The following STARD9 variants were observed in gnomAD, a reference collection of about 807,000 sequenced individuals.
STARD9 encodes the protein stAR-related lipid transfer protein 9.
A neutral mutation model predicts 399.8 loss-of-function variants in STARD9; 346 were observed. The observed-to-expected ratio is 0.87, with a 90% CI of 0.79 to 0.95. The LOEUF (loss-of-function observed/expected upper bound fraction) is 0.95, where lower values mean the gene tolerates loss of function less well. STARD9 is among the 40% of genes least tolerant of loss of function. The pLI is 0.00. For missense variants in STARD9, 5,832 were observed against 5,667.5 expected (o/e 1.03, Z -0.93); for synonymous variants, 2,203 against 2,143.5 (o/e 1.03, Z -0.77).
At chr15:42,701,820 C>T (rs1219676070) in intron 26 of STARD9, among the ~76,000 whole-genome samples, 1 of 151,732 alleles carries the variant, frequency 6.6e-6, no homozygotes, top group Non-Finnish European at 1.5e-5. Context: ...TAGTGAAACC[C>T]CATCTCTACT....
intron 3 of STARD9, among the ~76,000 whole-genome samples, chr15:42,634,485 A>G (rs764445578): frequency 2.0e-5 from 3 of 152,202 alleles, no homozygotes; most frequent in Admixed American, 6.5e-5. Flanking sequence ...GCAATATTTC[A>G]CTGCAGCTTT....
chr15:42,578,587 C>T (rs953026555), intron 1 of STARD9, among the ~76,000 whole-genome samples: 1 of 151,902 alleles, frequency 6.6e-6, no homozygotes, highest in African/African-American at 2.4e-5. Context: ...AGACTATTTG[C>T]CCTGTCAAAA....
intron 7 of STARD9, among the ~76,000 whole-genome samples, chr15:42,649,506 A>G (rs2059714814): frequency 6.6e-6 from 1 of 151,434 alleles, no homozygotes; most frequent in Non-Finnish European, 1.5e-5. Flanking sequence ...ATTTCATTAT[A>G]GTTTCCAAGT....
intron 16 of STARD9, chr15:42,670,586 G>A (rs758230645): frequency 5.3e-5 from 8 of 152,124 alleles, no homozygotes; most frequent in African/African-American, 1.9e-4. Flanking sequence ...CCCAGCTGAC[G>A]TTTAAAAAGA....
chr15:42,717,700 C>T (rs2061375402), intron 28 of STARD9, 31 bp from the exon 29 acceptor site: 1 of 1,534,720 alleles, frequency 6.5e-7, no homozygotes, highest in Non-Finnish European at 8.7e-7. Flanking sequence ...TACTGTGCCT[C>T]CTAATTTGGG....
In STARD9 at chr15:42,692,119, T is replaced by A. The variant is rs749038176; in HGVS notation, c.10541T>A (p.Met3514Lys). Residue 3514 changes from methionine to lysine, a missense_variant, in exon 23 of 33, where the codon ATG (methionine) becomes AAG (lysine). Physicochemically the swap from Met to Lys is moderately conservative, Grantham distance 95. Around this residue, in one of 2 missense-constraint regions of STARD9, gnomAD observed 5,828 missense variants for 5,651.1 expected, o/e 1.03. Coordinates refer to ENST00000290607, the MANE Select transcript of STARD9 (RefSeq NM_020759.3). The part of the protein sequence containing the change: ...TLSNVARCSS[M>K]DNGLEDQNSP... ...TCAAATGTGGCCCGGTGCTCCAGCA[T>A]GGACAATGGCCTAGAAGACCAGAAC... 1.3e-6 allele frequency: 2 copies of A among 1,537,072 alleles called. No individual in the cohort carries two copies. The highest frequency in any genetic ancestry group is 2.7e-5 in the African/African-American group (2 of 73,016).
Position 42,719,945 on chromosome 15 carries a change from A to G in STARD9, c.*371A>G, listed in dbSNP as rs2061422424. 5.5e-6 allele frequency: 1 copy of G among 181,688 alleles called. No homozygotes were observed. The highest frequency in any genetic ancestry group is 1.5e-4 in the South Asian group (1 of 6,600). 11.3% of individuals were successfully genotyped at this position (181,688 alleles called of 1,614,324 possible). A position where few individuals can be genotyped will look rare whatever the true frequency, so the allele number is the denominator to read the frequency against. ...AGCCGGGGACTGCAGTGCTTTGGCA[A>G]GGTGCTTCCGCAGGCTGGTAGGGAA... On this transcript the variant is annotated 3_prime_UTR_variant, in exon 33 of 33. Coordinates refer to ENST00000290607, the MANE Select transcript of STARD9 (RefSeq NM_020759.3).
intron 3 of STARD9, among the ~76,000 whole-genome samples, chr15:42,593,461 C>T (rs1160849692): frequency 3.9e-5 from 6 of 151,994 alleles, no homozygotes; most frequent in Non-Finnish European, 7.4e-5. Flanking sequence ...GCTAACCGCT[C>T]TTCATGGAAA....
At chr15:42,636,739 T>C (rs77080857) in intron 4 of STARD9, among the ~76,000 whole-genome samples, 270 of 152,278 alleles carry the variant, frequency 1.8e-3, no homozygotes, top group Middle Eastern at 6.8e-3. Flanking sequence ...CTTTGTCCTG[T>C]GTTTAGTGTG....
chr15:42,601,516 C>T (rs1161678142), intron 3 of STARD9, among the ~76,000 whole-genome samples: 43 of 146,850 alleles, frequency 2.9e-4, no homozygotes, highest in East Asian at 1.2e-3. Context: ...CCGGATGGGG[C>T]GGCTGGCCGG....
At chr15:42,658,295 G>GTT (rs2059917676) in intron 9 of STARD9, among the ~76,000 whole-genome samples, 1 of 135,400 alleles carries the variant, frequency 7.4e-6, no homozygotes, top group South Asian at 2.1e-4. Flanking sequence ...ACAGGTGTGT[G>GTT]TGTGTGTGTG....
At chr15:42,621,043 C>T (rs1440055399) in intron 3 of STARD9, among the ~76,000 whole-genome samples, 1 of 152,140 alleles carries the variant, frequency 6.6e-6, no homozygotes, top group Admixed American at 6.6e-5. Flanking sequence ...GGTGAGCCAC[C>T]ACCTGGTATA....
chr15:42,608,261 G>A (rs1039118214), intron 3 of STARD9, among the ~76,000 whole-genome samples: 4 of 152,178 alleles, frequency 2.6e-5, no homozygotes, highest in African/African-American at 9.7e-5. Context: ...GAGGAGGGTA[G>A]TGTGGTTTGT....
intron 11 of STARD9, 145 bp downstream of exon 11, chr15:42,663,036 G>A (rs2060020756): frequency 1.4e-6 from 1 of 738,312 alleles, no homozygotes; most frequent in African/African-American, 1.8e-5. Flanking sequence ...ATTTGTCCTT[G>A]GTTTTAGAGT....
At chr15:42,597,662 A>T (rs2058534419) in intron 3 of STARD9, among the ~76,000 whole-genome samples, 1 of 151,014 alleles carries the variant, frequency 6.6e-6, no homozygotes, top group Non-Finnish European at 1.5e-5. Flanking sequence ...CAGCCTCCCA[A>T]CTAGCTGGGA....
At chr15:42,584,178 C>G (rs1183065763) in intron 2 of STARD9, among the ~76,000 whole-genome samples, 9 of 152,054 alleles carry the variant, frequency 5.9e-5, no homozygotes, top group Non-Finnish European at 1.2e-4. Context: ...TTCCTGAGAG[C>G]TGAGGAAACT....
chr15:42,616,017 G>A (rs1236587435), intron 3 of STARD9, among the ~76,000 whole-genome samples: 1 of 152,098 alleles, frequency 6.6e-6, no homozygotes, highest in Non-Finnish European at 1.5e-5. Context: ...GTAGGATTGG[G>A]GTGAGCTTTT....
At chr15:42,717,872 C>G in intron 29 of STARD9, 77 bp downstream of exon 29, 1 of 1,503,316 alleles carries the variant, frequency 6.7e-7, no homozygotes, top group Non-Finnish European at 9.0e-7. Context: ...CTCCTCCTTT[C>G]CCTTACCTGG....
chr15:42,685,244 T>A lies in STARD9; in HGVS notation c.3666T>A (p.Pro1222=). The change falls in exon 23 of 33, where the codon CCT becomes CCA. Residue 1222 remains proline, a synonymous_variant. Transcript: ENST00000290607. ...EELGEDQQEE[P]FPGSADEIPT... ...TGGGGGAAGATCAGCAAGAAGAACC[T>A]TTCCCTGGTTCAGCTGACGAGATAC... The A allele has an allele frequency of 1.3e-6, 2 of 1,537,370 alleles. No homozygotes were observed. The highest frequency in any genetic ancestry group is 1.7e-6 in the Non-Finnish European group (2 of 1,146,942).
Sources: allele counts gnomAD v4.1 joint callset (sites outside exome capture counted in the v4.1 genomes callset), GRCh38; gene constraint gnomAD v4.1.1; regional missense constraint gnomAD v4.1.1; transcripts MANE v1.5; gene names NCBI Gene and HGNC (gene_info 2026-07-23, HGNC 2026-07-21).